The following SLC47A1 variants were observed in gnomAD, a reference collection of about 807,000 sequenced individuals.
SLC47A1 encodes the protein solute carrier family 47 member 1.
Under a neutral mutation model 65.8 loss-of-function variants are expected in SLC47A1, and 58 were observed. That is an observed-to-expected ratio of 0.88 (90% CI 0.71 to 1.10). The LOEUF (loss-of-function observed/expected upper bound fraction) is 1.10, where lower values mean the gene tolerates loss of function less well. Among genes scored for constraint, SLC47A1 ranks in the 50% least tolerant of loss-of-function variants. SLC47A1 has a pLI of 0.00. For synonymous variants in SLC47A1, 285 were observed against 295.0 expected (o/e 0.97, Z 0.35); for missense variants, 706 against 719.2 (o/e 0.98, Z 0.21).
intron 4 of SLC47A1, among the ~76,000 whole-genome samples, chr17:19,548,919 C>G (rs1025836122): frequency 6.6e-6 from 1 of 152,076 alleles, no homozygotes; most frequent in Non-Finnish European, 1.5e-5. Context: ...AAGCTCTTAT[C>G]TAGACCAGCG....
At chr17:19,551,885 C>T (rs534236891) in intron 6 of SLC47A1, among the ~76,000 whole-genome samples, 19 of 152,348 alleles carry the variant, frequency 1.2e-4, no homozygotes, top group African/African-American at 3.6e-4. Context: ...TCTGTTCTGT[C>T]GGAATGGCCC....
chr17:19,567,296 C>T (rs553762759), intron 14 of SLC47A1, 68 bp downstream of exon 14: 63 of 1,602,592 alleles, frequency 3.9e-5, no homozygotes, highest in South Asian at 2.2e-4. Flanking sequence ...TCGGAGCACA[C>T]GGGTCTTTGA....
At chr17:19,576,547 A>G (rs1375932235) in intron 16 of SLC47A1, among the ~76,000 whole-genome samples, 1 of 151,724 alleles carries the variant, frequency 6.6e-6, no homozygotes, top group East Asian at 1.9e-4. Flanking sequence ...AGGTATCACT[A>G]TGTTGCCCAG....
chr17:19,538,719 T>A (rs1916061202), intron 1 of SLC47A1, among the ~76,000 whole-genome samples: 1 of 152,146 alleles, frequency 6.6e-6, no homozygotes, highest in Non-Finnish European at 1.5e-5. Context: ...AGGGGGGCTG[T>A]CCCAGGTGAC....
intron 13 of SLC47A1, 101 bp from the exon 14 acceptor site, chr17:19,566,995 C>CT (rs1325369974): frequency 1.9e-6 from 3 of 1,596,796 alleles, no homozygotes; most frequent in Non-Finnish European, 2.6e-6. Context: ...ATACTGTCAC[C>CT]TTACCATGGA....
At chr17:19,537,316 G>C (rs754709979) in intron 1 of SLC47A1, among the ~76,000 whole-genome samples, 1 of 151,774 alleles carries the variant, frequency 6.6e-6, no homozygotes, top group South Asian at 2.1e-4. Context: ...CGCTTTACCC[G>C]GGACACACAA....
chr17:19,554,850 T>C (rs1313720137), intron 6 of SLC47A1, among the ~76,000 whole-genome samples: 1 of 152,228 alleles, frequency 6.6e-6, no homozygotes, highest in Non-Finnish European at 1.5e-5. Flanking sequence ...GAAGAAAGTA[T>C]TCTCATTTTC....
In SLC47A1 at chr17:19,572,802, A is replaced by G; in HGVS notation, c.1427A>G (p.Lys476Arg). ...CAGGCTCAGGTACACGCCAATTTGA[A>G]AGTAAACAACGTGCCTCGGAGTGGG... is the stretch of plus-strand genomic sequence containing the variant. ...CQQAQVHANL[K>R]VNNVPRSGNS... The change falls in exon 16 of 17, where the codon AAA becomes AGA. Residue 476 changes from lysine to arginine, a missense_variant. Physicochemically the swap from Lys to Arg is conservative, Grantham distance 26. Coordinates refer to ENST00000270570, the MANE Select transcript of SLC47A1 (RefSeq NM_018242.3). 1 of 1,614,118 alleles carries G rather than the reference A, an allele frequency of 6.2e-7. No homozygotes were observed. Among genetic ancestry groups the G allele is most frequent in the South Asian group, 1.1e-5 (1 of 91,084 alleles).
At position 19,551,297 on chromosome 17, in the gene SLC47A1, CTG is replaced by C. The variant is rs547408837; in HGVS notation, c.499-124_499-123del. ...CAGCCCTGTCCTGAGACGACAGCCTCTGTGGCTCCGTGCGGGAGCAGAGGGCA... is the reference window on the plus strand; with the variant it reads ...CAGCCCTGTCCTGAGACGACAGCCTCTGGCTCCGTGCGGGAGCAGAGGGCA... On this transcript the variant is annotated intron_variant, in intron 5 of 16. Transcript: ENST00000270570. The C allele has an allele frequency of 1.1e-4, 94 of 842,834 alleles. No individual in the cohort carries two copies. The African/African-American group carries it at 1.3e-3, about 12-fold the overall frequency. 52.2% of individuals were successfully genotyped at this position (842,834 alleles called of 1,614,324 possible).
intron 12 of SLC47A1, among the ~76,000 whole-genome samples, chr17:19,563,078 A>C (rs1366778665): frequency 1.3e-5 from 2 of 151,980 alleles, no homozygotes; most frequent in African/African-American, 4.8e-5. Flanking sequence ...TGTACCCTAG[A>C]AAAGATAGAA....
Position 19,555,788 on chromosome 17 carries a change from C to T in SLC47A1, c.740-8C>T, listed in dbSNP as rs371966501. ...GATCTCCTGGAAATGTGTGTGTCCC[C>T]CCCACAGGCTGGTCCCTCGAGTGCC... On this transcript the variant is annotated splice_polypyrimidine_tract_variant and splice_region_variant and intron_variant, in intron 8 of 16. Coordinates refer to ENST00000270570, the MANE Select transcript of SLC47A1 (RefSeq NM_018242.3). 6.2e-7 allele frequency: 1 copy of T among 1,613,280 alleles called. No homozygotes were observed. Among genetic ancestry groups the T allele is most frequent in the Non-Finnish European group, 8.5e-7 (1 of 1,179,816 alleles).
intron 12 of SLC47A1, among the ~76,000 whole-genome samples, chr17:19,563,975 C>T (rs979124440): frequency 6.8e-5 from 10 of 147,200 alleles, no homozygotes; most frequent in East Asian, 2.0e-4. Flanking sequence ...GGCGACAGAG[C>T]GAGACTCCGT....
At chr17:19,571,415 A>C (rs1307870135) in intron 14 of SLC47A1, 63 bp from the exon 15 acceptor site, 2 of 1,436,086 alleles carry the variant, frequency 1.4e-6, no homozygotes, top group East Asian at 4.6e-5. Context: ...TAGGCAAAAC[A>C]TACTCCCCAG....
At chr17:19,571,301 A>AC (rs2084397823) in intron 14 of SLC47A1, among the ~76,000 whole-genome samples, 177 bp from the exon 15 acceptor site, 2 of 152,080 alleles carry the variant, frequency 1.3e-5, no homozygotes. Context: ...ACCTTCTGGA[A>AC]CCTTCTGGAA....
chr17:19,551,468 G>C lies in SLC47A1; in HGVS notation c.543G>C (p.Gln181His). 6.2e-7 allele frequency: 1 copy of C among 1,609,828 alleles called. No homozygotes were observed. The highest frequency in any genetic ancestry group is 1.3e-5 in the African/African-American group (1 of 74,964). The change falls in exon 6 of 17, where the codon CAG becomes CAC. Residue 181 changes from glutamine to histidine, a missense_variant and splice_region_variant. Transcript: ENST00000270570. ...TACAAGTTAAATATTTGCTCAACCA[G>C]GTAATACTGACTGTTCTCTTCCTTT... The part of the protein sequence containing the change: ...YMLQVKYLLN[Q>H]GIVLPQIVTG...
intron 6 of SLC47A1, among the ~76,000 whole-genome samples, chr17:19,552,800 T>C (rs539932472): frequency 1.4e-4 from 21 of 152,212 alleles, no homozygotes; most frequent in Middle Eastern, 3.4e-3. Flanking sequence ...AGAGTCTCTT[T>C]ACGCCACTGC....
chr17:19,555,915 T>C lies in SLC47A1; in HGVS notation c.853+6T>C. The C allele has an allele frequency of 6.2e-7, 1 of 1,613,894 alleles. No homozygotes were observed. The highest frequency in any genetic ancestry group is 8.5e-7 in the Non-Finnish European group (1 of 1,179,882). Reference sequence around the variant, plus strand: ...GGTCGGGAGCTTCCTCAGTGGTCTGTATGAGGATGGATGACGGGGACTGGT... The same window carrying C: ...GGTCGGGAGCTTCCTCAGTGGTCTGCATGAGGATGGATGACGGGGACTGGT... On this transcript the variant is annotated splice_donor_region_variant and intron_variant, in intron 9 of 16. Coordinates refer to ENST00000270570, the MANE Select transcript of SLC47A1 (RefSeq NM_018242.3).
chr17:19,536,825 C>T (rs1915999190), intron 1 of SLC47A1, among the ~76,000 whole-genome samples: 2 of 152,224 alleles, frequency 1.3e-5, no homozygotes, highest in African/African-American at 4.8e-5. Context: ...TTTTCTCTCT[C>T]ATTTGCCATC....
At chr17:19,555,425 T>C (rs1916574079) in intron 7 of SLC47A1, 116 bp downstream of exon 7, 4 of 1,319,268 alleles carry the variant, frequency 3.0e-6, no homozygotes, top group Non-Finnish European at 4.4e-6. Context: ...GTCTCTTTCT[T>C]GCACACTGTG....
Sources: allele counts gnomAD v4.1 joint callset (sites outside exome capture counted in the v4.1 genomes callset), GRCh38; gene constraint gnomAD v4.1.1; transcripts MANE v1.5; gene names NCBI Gene and HGNC (gene_info 2026-07-23, HGNC 2026-07-21).